The following FLNB variants were observed in gnomAD, a reference collection of about 807,000 sequenced individuals.
FLNB encodes the protein filamin-B.
In FLNB, 111 loss-of-function variants were observed where a neutral mutation model predicts 250.6. That is an observed-to-expected ratio of 0.44 (90% CI 0.38 to 0.52). FLNB has a LOEUF of 0.52. Ranked by LOEUF, FLNB falls within the 20% of genes least tolerant of loss-of-function variation. The pLI, the probability that FLNB is intolerant of heterozygous loss-of-function variation, is 0.00. For missense variants in FLNB, 2,869 were observed against 3,447.8 expected (o/e 0.83, Z 4.20); for synonymous variants, 1,302 against 1,372.1 (o/e 0.95, Z 1.13).
chr3:58,149,990 G>A lies in FLNB; in HGVS notation c.6232G>A (p.Glu2078Lys), dbSNP rs574821116. Reference sequence around the variant, plus strand: ...TATCGTCTCCACCAAATTCGCTGACGAGCACGTGCCTGGTATGTGCATTCC... The same window carrying A: ...TATCGTCTCCACCAAATTCGCTGACAAGCACGTGCCTGGTATGTGCATTCC... ...VYIVSTKFAD[E>K]HVPGSPFTVK... The change falls in exon 37 of 46, where the codon GAG (glutamate) becomes AAG (lysine). Residue 2078 changes from glutamate to lysine, a missense_variant. Glu to Lys is a moderately conservative substitution (Grantham distance 56, BLOSUM62 1). Around this residue, in one of 5 missense-constraint regions of FLNB, gnomAD observed 1,084 missense variants for 1,315.5 expected, o/e 0.82. Coordinates refer to ENST00000295956, the MANE Select transcript of FLNB (RefSeq NM_001457.4). The A allele has an allele frequency of 1.2e-5, 19 of 1,614,234 alleles. No individual in the cohort carries two copies. Among genetic ancestry groups the A allele is most frequent in the East Asian group, 4.5e-5 (2 of 44,884 alleles).
At chr3:58,151,113 C>G (rs1485734515) in intron 38 of FLNB, 1 of 151,996 alleles carries the variant, frequency 6.6e-6, no homozygotes, top group Non-Finnish European at 1.5e-5. Flanking sequence ...TTTATTGGGC[C>G]GGGCGCGGTG....
intron 1 of FLNB, among the ~76,000 whole-genome samples, chr3:58,058,111 C>T (rs569265304): frequency 5.5e-4 from 84 of 152,288 alleles, no homozygotes; most frequent in African/African-American, 2.0e-3. Flanking sequence ...TTTTTTAGCA[C>T]TCAAGCTTCG....
At chr3:58,103,420 T>G (rs1204140834) in intron 9 of FLNB, among the ~76,000 whole-genome samples, 1 of 152,218 alleles carries the variant, frequency 6.6e-6, no homozygotes, top group Non-Finnish European at 1.5e-5. Flanking sequence ...AGTTCCTGCC[T>G]GATGGCTGGG....
At chr3:58,140,040 C>T (rs2097323983) in intron 29 of FLNB, among the ~76,000 whole-genome samples, 1 of 152,222 alleles carries the variant, frequency 6.6e-6, no homozygotes, top group Non-Finnish European at 1.5e-5. Flanking sequence ...CTGCTGAAGG[C>T]AGAAAGGGAC....
chr3:58,019,408 G>A (rs1169382063), intron 1 of FLNB, among the ~76,000 whole-genome samples: 1 of 152,174 alleles, frequency 6.6e-6, no homozygotes, highest in Non-Finnish European at 1.5e-5. Flanking sequence ...TCAGGCAGCT[G>A]TCTTCACTTT....
intron 1 of FLNB, among the ~76,000 whole-genome samples, 162 bp from the exon 2 acceptor site, chr3:58,076,884 C>T (rs75423436): frequency 6.6e-6 from 1 of 152,118 alleles, no homozygotes; most frequent in Non-Finnish European, 1.5e-5. Context: ...CTGTTTTTGT[C>T]CTCAAATGTT....
intron 2 of FLNB, chr3:58,078,463 A>G (rs2097204619): frequency 3.5e-5 from 53 of 1,535,878 alleles, no homozygotes; most frequent in Non-Finnish European, 4.4e-5. Context: ...CACTTCTTCA[A>G]GGAATGGATA....
Position 58,108,472 on chromosome 3 carries a change from G to A in FLNB, c.1956G>A (p.Gly652=). ...GYNPDLVRAY[G]PGLEKSGCIV... is the part of the protein sequence containing the mutation. ...CTTTGCTTCAGGTTCGAGCATACGG[G>A]CCAGGTTTGGAGAAATCTGGATGCA... is the stretch of plus-strand genomic sequence containing the variant. Residue 652 remains glycine, a synonymous_variant, in exon 13 of 46, where the codon GGG becomes GGA. Coordinates refer to ENST00000295956, the MANE Select transcript of FLNB (RefSeq NM_001457.4). The A allele has an allele frequency of 4.3e-6, 7 of 1,612,904 alleles. No individual in the cohort carries two copies. The highest frequency in any genetic ancestry group is 5.9e-6 in the Non-Finnish European group (7 of 1,178,874).
Position 58,096,164 on chromosome 3 carries a change from C to T in FLNB, c.930C>T (p.Asp310=). 1 of 1,613,994 alleles carries T rather than the reference C, an allele frequency of 6.2e-7. No individual in the cohort carries two copies. The highest frequency in any genetic ancestry group is 2.2e-5 in the East Asian group (1 of 44,886). Residue 310 remains aspartate (D), a synonymous_variant, in exon 6 of 46, where the codon GAC becomes GAT. Coordinates refer to ENST00000295956, the MANE Select transcript of FLNB (RefSeq NM_001457.4). The stretch of plus-strand genomic sequence containing the variant: ...AGGCACAAGTGACCCCTGACAGTGA[C>T]AAGAACAAGACATACTCTGTGGAGT... ...KEEAQVTPDS[D]KNKTYSVEYL...
chr3:58,104,732 TAGCATA>T (rs2097256823), intron 10 of FLNB, among the ~76,000 whole-genome samples: 1 of 152,222 alleles, frequency 6.6e-6, no homozygotes, highest in Non-Finnish European at 1.5e-5. Flanking sequence ...TTTCTGGTTA[TAGCATA>T]AGCAGGATAT....
intron 1 of FLNB, among the ~76,000 whole-genome samples, chr3:58,074,919 T>G (rs2097199608): frequency 1.3e-5 from 2 of 152,192 alleles, no homozygotes; most frequent in African/African-American, 4.8e-5. Flanking sequence ...TCGAGTTTTA[T>G]TATGACTGAA....
intron 43 of FLNB, among the ~76,000 whole-genome samples, chr3:58,167,486 G>T (rs1424320685): frequency 6.6e-6 from 1 of 152,360 alleles, no homozygotes; most frequent in Non-Finnish European, 1.5e-5. Flanking sequence ...AGTGTCTAGG[G>T]CTCTGGCAGA....
At chr3:58,104,478 G>A (rs1380569138) in intron 10 of FLNB, among the ~76,000 whole-genome samples, 1 of 152,234 alleles carries the variant, frequency 6.6e-6, no homozygotes, top group East Asian at 1.9e-4. Context: ...CGTGAGTGCT[G>A]TCAGGGGCCA....
At chr3:58,143,710 G>A (rs771503903) in intron 32 of FLNB, 97 bp downstream of exon 32, 14 of 1,482,868 alleles carry the variant, frequency 9.4e-6, no homozygotes, top group Middle Eastern at 2.3e-4. Context: ...AGCAGCTCTC[G>A]GCAGCAGGCT....
At chr3:58,170,542 A>G in intron 45 of FLNB, 33 bp from the exon 46 acceptor site, 1 of 1,606,018 alleles carries the variant, frequency 6.2e-7, no homozygotes, top group Non-Finnish European at 8.5e-7. Flanking sequence ...GTCCTGATGC[A>G]TCCGGGTGGA....
At chr3:58,111,978 C>A in intron 17 of FLNB, 97 bp downstream of exon 17, 3 of 1,198,488 alleles carry the variant, frequency 2.5e-6, no homozygotes, top group Non-Finnish European at 3.7e-6. Context: ...TCTCCACCAA[C>A]ACCAACACCA....
At chr3:58,059,780 T>C (rs745957831) in intron 1 of FLNB, among the ~76,000 whole-genome samples, 2 of 152,224 alleles carry the variant, frequency 1.3e-5, no homozygotes, top group Non-Finnish European at 2.9e-5. Context: ...AAATCTCTTT[T>C]AGGAGGATGA....
chr3:58,147,434 C>T (rs2097337544), intron 34 of FLNB, among the ~76,000 whole-genome samples: 1 of 152,158 alleles, frequency 6.6e-6, no homozygotes, highest in Non-Finnish European at 1.5e-5. Flanking sequence ...TAAACAGATC[C>T]AGGTTATCAA....
intron 1 of FLNB, among the ~76,000 whole-genome samples, chr3:58,048,450 T>C (rs2097157406): frequency 6.6e-6 from 1 of 152,206 alleles, no homozygotes; most frequent in African/African-American, 2.4e-5. Flanking sequence ...TAGGTCTGTC[T>C]GTTTCCTTGT....
Sources: gnomAD v4.1 joint callset for allele counts (sites outside exome capture counted in the v4.1 genomes callset) on GRCh38, gnomAD v4.1.1 for gene constraint, gnomAD v4.1.1 regional missense constraint, MANE v1.5 for transcripts, NCBI Gene and HGNC (gene_info 2026-07-23, HGNC 2026-07-21) for gene names.